SMIM17: variants seen among roughly 807,000 people sequenced by gnomAD.
The protein encoded by SMIM17 is small integral membrane protein 17.
Under a neutral mutation model 12.2 loss-of-function variants are expected in SMIM17, and 10 were observed. The observed-to-expected ratio is 0.82, with a 90% CI of 0.50 to 1.39. SMIM17 has a LOEUF of 1.39. Among genes scored for constraint, SMIM17 ranks in the 40% most tolerant of loss-of-function variants. The pLI is 0.00. For missense variants in SMIM17, 136 were observed against 118.2 expected (o/e 1.15, Z -0.70); for synonymous variants, 50 against 44.1 (o/e 1.13, Z -0.53).
intron 3 of SMIM17, among the ~76,000 whole-genome samples, chr19:56,652,116 A>C (rs960824091): frequency 6.6e-6 from 1 of 151,356 alleles, no homozygotes; most frequent in African/African-American, 2.4e-5. Flanking sequence ...AAAAAAAAAA[A>C]AAAAAAAAAA....
chr19:56,655,976 G>A lies in SMIM17; in HGVS notation c.*763G>A, dbSNP rs971767849. ...TTTGTTTTTTTTTTTTTTTGAGACC[G>A]AGTCTCACTCTGTCACCCAGTCTGG... is the stretch of plus-strand genomic sequence containing the variant. On this transcript the variant is annotated 3_prime_UTR_variant, in exon 4 of 4. Transcript: ENST00000598409. Among the ~76,000 whole-genome samples, 4 of 130,780 alleles carry A rather than the reference G, an allele frequency of 3.1e-5. No homozygotes were observed. The highest frequency in any genetic ancestry group is 5.6e-5 in the African/African-American group (2 of 35,472). The allele number at this position is 130,780 out of a possible 152,430, so 85.8% of individuals were successfully genotyped here.
At chr19:56,648,994 A>G (rs12608514) in intron 3 of SMIM17, among the ~76,000 whole-genome samples, 62,606 of 152,028 alleles carry the variant, frequency 0.41, 13,440 homozygotes, top group East Asian at 0.73. Flanking sequence ...CTCGTGGTGC[A>G]GGGATGAGGG....
chr19:56,652,101 CAAAAAAAAAA>C (rs57264842), intron 3 of SMIM17, among the ~76,000 whole-genome samples: 1 of 66,856 alleles, frequency 1.5e-5, no homozygotes, highest in Non-Finnish European at 2.6e-5. Context: ...GAGACTCTGC[CAAAAAAAAAA>C]AAAAAAAAAA....
Position 56,655,498 on chromosome 19 carries a change from C to A in SMIM17, c.*285C>A, listed in dbSNP as rs1172034543. 2 of 387,130 alleles carry A rather than the reference C, an allele frequency of 5.2e-6. No individual in the cohort carries two copies. Among genetic ancestry groups the A allele is most frequent in the Non-Finnish European group, 4.6e-6 (1 of 219,058 alleles). 24.0% of individuals were successfully genotyped at this position (387,130 alleles called of 1,614,324 possible). ...GATGCCACCAACTGGAAGATATCTCCTGACTTTGAGAAGATGAAAAAATGT... is the reference window on the plus strand; with the variant it reads ...GATGCCACCAACTGGAAGATATCTCATGACTTTGAGAAGATGAAAAAATGT... On this transcript the variant is annotated 3_prime_UTR_variant, in exon 4 of 4. Coordinates refer to ENST00000598409, the MANE Select transcript of SMIM17 (RefSeq NM_001193628.2).
rs769062445 is a variant in SMIM17, at chr19:56,656,918, A to G, written c.*1705A>G. Among the ~76,000 whole-genome samples, 1 of 152,228 alleles carries G rather than the reference A, an allele frequency of 6.6e-6. No homozygotes were observed. Among genetic ancestry groups the G allele is most frequent in the Non-Finnish European group, 1.5e-5 (1 of 68,046 alleles). ...AATTGTTTCACGAACATTTAAGATG[A>G]AGATATCTTCTCTGTCTGTAGAACT... On this transcript the variant is annotated 3_prime_UTR_variant, in exon 4 of 4. Coordinates refer to ENST00000598409, the MANE Select transcript of SMIM17 (RefSeq NM_001193628.2).
chr19:56,648,123 TATCCACTTATCCATCC>T (rs1481543686), intron 3 of SMIM17, among the ~76,000 whole-genome samples: 9 of 131,658 alleles, frequency 6.8e-5, no homozygotes, highest in Non-Finnish European at 1.3e-4. Context: ...TTCATCTGTT[TATCCACTTATCCATCC>T]ATCCATCCAT....
intron 3 of SMIM17, among the ~76,000 whole-genome samples, chr19:56,653,094 A>G (rs2045122192): frequency 6.6e-6 from 1 of 152,210 alleles, no homozygotes; most frequent in Admixed American, 6.5e-5. Flanking sequence ...GTGTTTACAC[A>G]TGTACATCCG....
chr19:56,656,639 G>T lies in SMIM17; in HGVS notation c.*1426G>T, dbSNP rs2045154181. 6.6e-6 allele frequency among the ~76,000 whole-genome samples: 1 copy of T among 151,962 alleles called. No homozygotes were observed. Among genetic ancestry groups the T allele is most frequent in the South Asian group, 2.1e-4 (1 of 4,816 alleles). On this transcript the variant is annotated 3_prime_UTR_variant, in exon 4 of 4. Transcript: ENST00000598409. ...AAATGTACTTCTGGATATAGCGTTG[G>T]CCACATCTTAACATTTGATTATTCA...
rs1243684753 is a variant in SMIM17 at position 56,655,094 on chromosome 19, C to T, written c.247-9C>T. ...CCAATATTTATCCTTTTCCTTTTTT[C>T]TGTTTCAGGGCTTTGTGGAGTGGTC... On this transcript the variant is annotated splice_polypyrimidine_tract_variant and intron_variant, in intron 3 of 3. Transcript: ENST00000598409. The T allele has an allele frequency of 1.5e-6, 1 of 670,300 alleles. No individual in the cohort carries two copies. Among genetic ancestry groups the T allele is most frequent in the Non-Finnish European group, 2.7e-6 (1 of 366,392 alleles). The allele number at this position is 670,300 out of a possible 1,614,324, so 41.5% of individuals were successfully genotyped here. A position where few individuals can be genotyped will look rare whatever the true frequency, so the allele number is the denominator to read the frequency against.
rs745711830 is a variant in SMIM17 at position 56,655,272 on chromosome 19, T to C, written c.*59T>C. The stretch of plus-strand genomic sequence containing the variant: ...TTAATGAAATAGATGCCCTATGTCA[T>C]GTTAAGGAATTGTGCTAGTTAAAAA... On this transcript the variant is annotated 3_prime_UTR_variant, in exon 4 of 4. Transcript: ENST00000598409. 1.0e-5 allele frequency: 7 copies of C among 667,328 alleles called. No individual in the cohort carries two copies. The Admixed American group carries it at 1.3e-4, about 12-fold the overall frequency. 41.3% of individuals were successfully genotyped at this position (667,328 alleles called of 1,614,324 possible).
At position 56,645,815 on chromosome 19, in the gene SMIM17, A is replaced by G. The variant is rs994508375; in HGVS notation, c.148A>G (p.Ser50Gly). 6.5e-7 allele frequency: 1 copy of G among 1,534,596 alleles called. No individual in the cohort carries two copies. The change falls in exon 2 of 4, where the codon AGC (serine) becomes GGC (glycine). Residue 50 changes from serine to glycine, a missense_variant. Coordinates refer to ENST00000598409, the MANE Select transcript of SMIM17 (RefSeq NM_001193628.2). Reference protein sequence around the residue: ...DWEAVEVGASSHDSDEKDLSS... With the variant: ...DWEAVEVGASGHDSDEKDLSS... ...GGAGGCTGTGGAGGTTGGGGCCTCCAGCCATGACAGTGATGAGAAAGGTGA... is the reference window on the plus strand; with the variant it reads ...GGAGGCTGTGGAGGTTGGGGCCTCCGGCCATGACAGTGATGAGAAAGGTGA...
chr19:56,652,957 A>G (rs2045121228), intron 3 of SMIM17, among the ~76,000 whole-genome samples: 2 of 152,220 alleles, frequency 1.3e-5, no homozygotes, highest in East Asian at 1.9e-4. Context: ...CCATGGGTCT[A>G]TTATGTGTGA....
chr19:56,652,662 G>GAA (rs138292961), intron 3 of SMIM17, among the ~76,000 whole-genome samples: 55,280 of 144,946 alleles, frequency 0.38, 10,779 homozygotes, highest in East Asian at 0.64. Context: ...TCAAAAAAAA[G>GAA]AAAAAAAAAA....
chr19:56,653,202 G>A (rs113465640), intron 3 of SMIM17, among the ~76,000 whole-genome samples: 4 of 152,290 alleles, frequency 2.6e-5, no homozygotes, highest in African/African-American at 9.6e-5. Flanking sequence ...AGCCCTGGAA[G>A]CAACTACAGT....
At chr19:56,647,289 G>T (rs1270658357) in intron 2 of SMIM17, among the ~76,000 whole-genome samples, 1 of 152,078 alleles carries the variant, frequency 6.6e-6, no homozygotes, top group African/African-American at 2.4e-5. Flanking sequence ...TTTCTAGGTA[G>T]TTATAGAACA....
At chr19:56,652,521 C>T (rs532687631) in intron 3 of SMIM17, among the ~76,000 whole-genome samples, 13 of 152,080 alleles carry the variant, frequency 8.5e-5, no homozygotes, top group Admixed American at 2.0e-4. Flanking sequence ...GGCATGGGGG[C>T]GGATGCCTGT....
intron 3 of SMIM17, among the ~76,000 whole-genome samples, chr19:56,650,095 G>GA (rs2045097975): frequency 1.3e-5 from 2 of 152,012 alleles, no homozygotes; most frequent in African/African-American, 4.8e-5. Context: ...TATAGTTAGG[G>GA]AAAAAAGGTA....
At chr19:56,650,145 G>A (rs1461246029) in intron 3 of SMIM17, among the ~76,000 whole-genome samples, 2 of 152,128 alleles carry the variant, frequency 1.3e-5, no homozygotes, top group African/African-American at 4.8e-5. Flanking sequence ...CCTTGTGCAT[G>A]TTACAAGCTT....
intron 1 of SMIM17, among the ~76,000 whole-genome samples, chr19:56,644,710 T>C (rs1196499754): frequency 6.6e-6 from 1 of 152,216 alleles, no homozygotes; most frequent in Non-Finnish European, 1.5e-5. Flanking sequence ...TAGAGAAGTA[T>C]TTCTCTGGAC....
Sources: gnomAD v4.1 joint callset for allele counts (sites outside exome capture counted in the v4.1 genomes callset) on GRCh38, gnomAD v4.1.1 for gene constraint, MANE v1.5 for transcripts, NCBI Gene and HGNC (gene_info 2026-07-23, HGNC 2026-07-21) for gene names.